The following TUNAR variants were observed in gnomAD, a reference collection of about 807,000 sequenced individuals.
TUNAR encodes protein TUNAR.
Position 95,895,633 on chromosome 14 carries a change from C to G in TUNAR, c.12+18456C>G, listed in dbSNP as rs559840878. On this transcript the variant is annotated intron_variant, in intron 2 of 2. Transcript: ENST00000678517. This position sits in a 1 kb window ranked among gnomAD's most constrained non-coding sequence, Gnocchi z 4.5. Reference sequence around the variant, plus strand: ...TTTTACCAATGATTTAAAGCCCTTCCAAGGGCTTCCAGGGTCTCTGATCTT... The same window carrying G: ...TTTTACCAATGATTTAAAGCCCTTCGAAGGGCTTCCAGGGTCTCTGATCTT... Among the ~76,000 whole-genome samples the G allele has an allele frequency of 9.2e-5, 14 of 152,156 alleles. No homozygotes were observed. Among genetic ancestry groups the G allele is most frequent in the Non-Finnish European group, 1.6e-4 (11 of 68,006 alleles).
chr14:95,911,341 A>T (rs1281074271), intron 2 of TUNAR, among the ~76,000 whole-genome samples: 1 of 152,160 alleles, frequency 6.6e-6, no homozygotes, highest in East Asian at 1.9e-4. Flanking sequence ...TATCTTGTGG[A>T]GACAGTTCAC....
chr14:95,879,109 C>A (rs974864909), intron 2 of TUNAR, among the ~76,000 whole-genome samples: 4 of 152,220 alleles, frequency 2.6e-5, no homozygotes, highest in East Asian at 1.9e-4. Context: ...GATGTTCAGA[C>A]CCTGAGTTAG....
intron 2 of TUNAR, among the ~76,000 whole-genome samples, chr14:95,912,928 C>T (rs952668713): frequency 6.6e-6 from 1 of 152,036 alleles, no homozygotes; most frequent in Non-Finnish European, 1.5e-5. Context: ...GTAGCTGGGA[C>T]TACAGGCGCC....
intron 2 of TUNAR, among the ~76,000 whole-genome samples, chr14:95,904,108 T>C (rs1240675762): frequency 6.6e-6 from 1 of 152,214 alleles, no homozygotes; most frequent in Non-Finnish European, 1.5e-5. Flanking sequence ...AGGTGGATTT[T>C]GCAGATCCTG....
At chr14:95,903,041 A>G (rs750335364) in intron 2 of TUNAR, among the ~76,000 whole-genome samples, 44 of 152,178 alleles carry the variant, frequency 2.9e-4, no homozygotes, top group Non-Finnish European at 3.8e-4. Context: ...AATCCATACA[A>G]CAGTAATCAG....
chr14:95,908,150 C>T (rs1358981577), intron 2 of TUNAR, among the ~76,000 whole-genome samples: 2 of 152,358 alleles, frequency 1.3e-5, no homozygotes, highest in African/African-American at 4.8e-5. Flanking sequence ...TGATGCTGTT[C>T]ATGGCACCTG....
chr14:95,882,805 G>A (rs1889001380), intron 2 of TUNAR, among the ~76,000 whole-genome samples: 1 of 152,154 alleles, frequency 6.6e-6, no homozygotes, highest in South Asian at 2.1e-4. Context: ...ATGGTCTGGG[G>A]ATCCTGATCC....
chr14:95,893,577 C>G (rs1230330018), intron 2 of TUNAR, among the ~76,000 whole-genome samples: 1 of 151,998 alleles, frequency 6.6e-6, no homozygotes, highest in South Asian at 2.1e-4. Context: ...TCCCCCCCAC[C>G]CCACTCCCCA....
chr14:95,904,420 T>C lies in TUNAR; in HGVS notation c.13-18361T>C, dbSNP rs190087911. Among the ~76,000 whole-genome samples the C allele has an allele frequency of 6.6e-5, 10 of 152,194 alleles. No individual in the cohort carries two copies. In the East Asian group the frequency reaches 1.7e-3, roughly 26 times the overall value. On this transcript the variant is annotated intron_variant, in intron 2 of 2. Coordinates refer to ENST00000678517, the Ensembl canonical transcript of TUNAR. ...GAGGAAAGGTGGGCCCTGGAATGAT[T>C]CAGGAAGGCAGGCAGGCTGACCTTC...
At chr14:95,879,753 T>G (rs1285372931) in intron 2 of TUNAR, among the ~76,000 whole-genome samples, 1 of 151,878 alleles carries the variant, frequency 6.6e-6, no homozygotes. Context: ...TTCCACACCA[T>G]ACATATAATG....
chr14:95,901,108 G>A (rs1358456678), intron 2 of TUNAR, among the ~76,000 whole-genome samples: 1 of 152,160 alleles, frequency 6.6e-6, no homozygotes, highest in African/African-American at 2.4e-5. Context: ...AGACAGTCCA[G>A]GCAACAGCTT....
chr14:95,911,725 G>A (rs1017795933), intron 2 of TUNAR, among the ~76,000 whole-genome samples: 21 of 152,216 alleles, frequency 1.4e-4, no homozygotes, highest in African/African-American at 5.1e-4. Flanking sequence ...AAAGCAGCCA[G>A]CAAGTAATGG....
chr14:95,883,367 C>T (rs1220483828), intron 2 of TUNAR, among the ~76,000 whole-genome samples: 1 of 152,224 alleles, frequency 6.6e-6, no homozygotes, highest in Non-Finnish European at 1.5e-5. Context: ...GCATGCCTCT[C>T]TCTGGTCCCG....
intron 2 of TUNAR, among the ~76,000 whole-genome samples, chr14:95,883,163 C>A (rs1471724709): frequency 6.6e-6 from 1 of 152,234 alleles, no homozygotes; most frequent in Admixed American, 6.5e-5. Context: ...ATACACCCGA[C>A]TTCTAAAAGG....
intron 2 of TUNAR, among the ~76,000 whole-genome samples, chr14:95,907,993 A>G (rs1889451571): frequency 6.6e-6 from 1 of 152,160 alleles, no homozygotes; most frequent in East Asian, 1.9e-4. Context: ...ATGGGCAGCC[A>G]TGGGTGGGCC....
At chr14:95,909,706 G>T (rs920561466) in intron 2 of TUNAR, among the ~76,000 whole-genome samples, 12 of 152,336 alleles carry the variant, frequency 7.9e-5, no homozygotes, top group Admixed American at 7.2e-4. Flanking sequence ...GAACACTGCG[G>T]CTGCCCCAGG....
intron 2 of TUNAR, among the ~76,000 whole-genome samples, chr14:95,906,348 G>A (rs942620574): frequency 3.3e-5 from 5 of 152,158 alleles, no homozygotes; most frequent in Non-Finnish European, 5.9e-5. Flanking sequence ...TAAAAACCAC[G>A]TGTTTATACT....
chr14:95,887,308 C>T (rs1889094103), intron 2 of TUNAR, among the ~76,000 whole-genome samples: 1 of 152,220 alleles, frequency 6.6e-6, no homozygotes, highest in Non-Finnish European at 1.5e-5. Context: ...CTGGAAGTCA[C>T]TCCTGGCCTG....
chr14:95,913,000 C>G (rs1382848705), intron 2 of TUNAR, among the ~76,000 whole-genome samples: 4 of 151,954 alleles, frequency 2.6e-5, no homozygotes, highest in African/African-American at 7.3e-5. Context: ...ACCCTGTTAG[C>G]CAGGACGGTC....
Sources: gnomAD v4.1 joint callset for allele counts (sites outside exome capture counted in the v4.1 genomes callset) on GRCh38, gnomAD v4.1.1 for gene constraint, Gnocchi (gnomAD v3.1) non-coding constraint, MANE v1.5 for transcripts, NCBI Gene and HGNC (gene_info 2026-07-23, HGNC 2026-07-21) for gene names.